The following MITF variants were observed in gnomAD, a reference collection of about 807,000 sequenced individuals.
MITF encodes the protein melanocyte inducing transcription factor.
In MITF, 17 loss-of-function variants were observed where a neutral mutation model predicts 60.5. That is an observed-to-expected ratio of 0.28 (90% confidence interval 0.19 to 0.42). MITF has a LOEUF of 0.42. Among genes scored for constraint, MITF ranks in the 10% least tolerant of loss-of-function variants. MITF has a pLI of 1.00. For synonymous variants in MITF, 260 were observed against 248.5 expected (o/e 1.05, Z -0.43); for missense variants, 622 against 683.5 (o/e 0.91, Z 1.00).
intron 1 of MITF, chr3:69,866,414 A>G: frequency 6.3e-7 from 1 of 1,587,276 alleles, no homozygotes; most frequent in South Asian, 1.1e-5. Context: ...TTTCTCTTTA[A>G]GGGGGAGGAT....
At chr3:69,916,725 T>C (rs540289259) in intron 2 of MITF, among the ~76,000 whole-genome samples, 8 of 152,318 alleles carry the variant, frequency 5.3e-5, no homozygotes, top group East Asian at 1.9e-4. Context: ...CATATGACTG[T>C]TAACACTGAC....
chr3:69,747,468 C>G (rs1703768390), intron 1 of MITF, among the ~76,000 whole-genome samples: 1 of 152,210 alleles, frequency 6.6e-6, no homozygotes, highest in Non-Finnish European at 1.5e-5. Flanking sequence ...AACTCTAATT[C>G]TCTCTTCTGT....
At chr3:69,885,164 T>C (rs555891811) in intron 2 of MITF, among the ~76,000 whole-genome samples, 1 of 152,220 alleles carries the variant, frequency 6.6e-6, no homozygotes, top group East Asian at 1.9e-4. Flanking sequence ...AGTAATGAAA[T>C]GCTGGCAGAT....
chr3:69,913,607 T>C (rs1169178834), intron 2 of MITF, among the ~76,000 whole-genome samples: 6 of 152,248 alleles, frequency 3.9e-5, no homozygotes, highest in Non-Finnish European at 8.8e-5. Context: ...CACATAGTGA[T>C]TGACTGCATC....
intron 2 of MITF, among the ~76,000 whole-genome samples, chr3:69,927,732 G>A (rs1265462833): frequency 6.6e-6 from 1 of 152,142 alleles, no homozygotes; most frequent in Non-Finnish European, 1.5e-5. Context: ...TAACTGGAGT[G>A]GGACATGCTG....
chr3:69,795,222 C>A (rs2062808664), intron 1 of MITF, among the ~76,000 whole-genome samples: 1 of 152,050 alleles, frequency 6.6e-6, no homozygotes, highest in East Asian at 1.9e-4. Context: ...AATTTTCTCC[C>A]AAGCGATGTA....
At chr3:69,870,437 TA>T (rs1220513668) in intron 1 of MITF, among the ~76,000 whole-genome samples, 36 of 144,542 alleles carry the variant, frequency 2.5e-4, no homozygotes, top group South Asian at 1.3e-3. Context: ...TATATATATA[TA>T]TATTTTTTTT....
At chr3:69,929,045 C>T (rs2065656834) in intron 2 of MITF, among the ~76,000 whole-genome samples, 2 of 152,166 alleles carry the variant, frequency 1.3e-5, no homozygotes, top group South Asian at 4.1e-4. Context: ...CTTAGTTCCT[C>T]TAGAGCTTTC....
intron 1 of MITF, among the ~76,000 whole-genome samples, chr3:69,873,095 T>C (rs1200497195): frequency 6.6e-6 from 1 of 152,218 alleles, no homozygotes; most frequent in Non-Finnish European, 1.5e-5. Flanking sequence ...TCCATTCTTT[T>C]TCTTGATGAC....
At chr3:69,897,318 G>A (rs1012344074) in intron 2 of MITF, among the ~76,000 whole-genome samples, 15 of 152,280 alleles carry the variant, frequency 9.9e-5, no homozygotes, top group Admixed American at 6.5e-4. Flanking sequence ...TCCAGAAGAC[G>A]TAAGAAGAAA....
chr3:69,749,942 C>T (rs564329370), intron 1 of MITF, among the ~76,000 whole-genome samples: 31 of 152,180 alleles, frequency 2.0e-4, no homozygotes, highest in African/African-American at 7.2e-4. Context: ...TCTAACAATA[C>T]TGATTATATT....
chr3:69,899,255 G>T (rs963637108), intron 2 of MITF, among the ~76,000 whole-genome samples: 10 of 152,190 alleles, frequency 6.6e-5, no homozygotes, highest in African/African-American at 2.4e-4. Context: ...GAAGCTCCAG[G>T]AAATAAGAAG....
In MITF at chr3:69,801,471, C is replaced by T. The variant is rs1265131455; in HGVS notation, c.104+61770C>T. Among the ~76,000 whole-genome samples, 12 of 152,134 alleles carry T rather than the reference C, an allele frequency of 7.9e-5. No individual in the cohort carries two copies. In the South Asian group the frequency reaches 8.3e-4, roughly 11 times the overall value. ...ATCACCTAGAAATGCGTAATGAATA[C>T]TTTATTTGTGGTCTCTGATTTCTAG... On this transcript the variant is annotated intron_variant, in intron 1 of 9. Transcript: ENST00000352241.
At chr3:69,867,486 T>G (rs2320172) in intron 1 of MITF, among the ~76,000 whole-genome samples, 14,415 of 152,204 alleles carry the variant, frequency 0.095, 777 homozygotes, top group Admixed American at 0.15. Context: ...ACAGATACTT[T>G]AGATTTTTTT....
intron 1 of MITF, among the ~76,000 whole-genome samples, chr3:69,758,319 A>G (rs2062161576): frequency 6.6e-6 from 1 of 151,456 alleles, no homozygotes; most frequent in Non-Finnish European, 1.5e-5. Context: ...ACAGGTGTAC[A>G]CCACCATGCC....
intron 1 of MITF, among the ~76,000 whole-genome samples, chr3:69,849,090 A>G (rs1169945322): frequency 1.4e-5 from 2 of 145,764 alleles, no homozygotes; most frequent in Non-Finnish European, 1.5e-5. Flanking sequence ...TCAGCCTCCC[A>G]AGTAGCTGGG....
intron 1 of MITF, among the ~76,000 whole-genome samples, chr3:69,835,238 A>C (rs976143428): frequency 2.0e-5 from 3 of 152,040 alleles, no homozygotes; most frequent in African/African-American, 4.8e-5. Flanking sequence ...GACTGGTCTC[A>C]AACACCTGGG....
At chr3:69,819,482 G>C (rs1047483656) in intron 1 of MITF, among the ~76,000 whole-genome samples, 1 of 152,238 alleles carries the variant, frequency 6.6e-6, no homozygotes, top group African/African-American at 2.4e-5. Context: ...ATGGCCCGAA[G>C]TGTGGCTGTG....
intron 1 of MITF, among the ~76,000 whole-genome samples, chr3:69,831,812 G>A (rs1428092045): frequency 6.6e-6 from 1 of 152,174 alleles, no homozygotes; most frequent in Middle Eastern, 3.2e-3. Context: ...TTAATCTGGG[G>A]GTTGTGTGCC....
Sources: allele counts gnomAD v4.1 joint callset (sites outside exome capture counted in the v4.1 genomes callset), GRCh38; gene constraint gnomAD v4.1.1; transcripts MANE v1.5; gene names NCBI Gene and HGNC (gene_info 2026-07-23, HGNC 2026-07-21).